The following RBFOX3 variants were observed in gnomAD, a reference collection of about 807,000 sequenced individuals.
RBFOX3 encodes RNA binding fox-1 homolog 3.
In RBFOX3, 17 loss-of-function variants were observed where a neutral mutation model predicts 48.7. The observed-to-expected ratio is 0.35, with a 90% CI of 0.24 to 0.52. The LOEUF (loss-of-function observed/expected upper bound fraction) is 0.52. Ranked by LOEUF, RBFOX3 falls within the 20% of genes least tolerant of loss-of-function variation. RBFOX3 has a pLI of 0.94. For synonymous variants in RBFOX3, 212 were observed against 209.5 expected (o/e 1.01, Z -0.10); for missense variants, 382 against 497.5 (o/e 0.77, Z 2.21).
rs142282217 is a variant in RBFOX3, at chr17:79,132,087, C to T, written c.-33-16339G>A. Among the ~76,000 whole-genome samples the T allele has an allele frequency of 2.8e-3, 430 of 152,200 alleles. 1 individual carries two copies. Among genetic ancestry groups the T allele is most frequent in the Non-Finnish European group, 4.8e-3 (324 of 68,004 alleles). ...AGGTGTCTGGCTGATGGGGCTTGGT[C>T]GGCAGGTGCAGAGCGGGGTGCTGGG... is the stretch of plus-strand genomic sequence containing the variant. On this transcript the variant is annotated intron_variant, in intron 4 of 14. Transcript: ENST00000693108.
chr17:79,131,109 CATGTGCGCCCCGT>C (rs914204355), intron 4 of RBFOX3, among the ~76,000 whole-genome samples: 6 of 151,048 alleles, frequency 4.0e-5, no homozygotes, highest in African/African-American at 7.3e-5. Context: ...CGTGTGTGCA[CATGTGCGCCCCGT>C]GTGTGCTGTG....
At chr17:79,358,750 C>T (rs539009241) in intron 2 of RBFOX3, among the ~76,000 whole-genome samples, 7 of 152,306 alleles carry the variant, frequency 4.6e-5, no homozygotes, top group South Asian at 2.1e-4. Context: ...TGTGAGCCTC[C>T]GTGCTCGGCC....
chr17:79,442,263 G>A lies in RBFOX3; in HGVS notation c.-175+40191C>T, dbSNP rs1555735339. Among the ~76,000 whole-genome samples the A allele has an allele frequency of 3.1e-4, 7 of 22,358 alleles. 1 individual carries two copies. The highest frequency in any genetic ancestry group is 1.1e-3 in the African/African-American group (6 of 5,332). The allele number at this position is 22,358 out of a possible 152,430, so 14.7% of individuals were successfully genotyped here. A position where few individuals can be genotyped will look rare whatever the true frequency, so the allele number is the denominator to read the frequency against. On this transcript the variant is annotated intron_variant, in intron 2 of 14. Transcript: ENST00000693108. ...AGAGAGAGAGAGAGAGAGAGAGAGA[G>A]AGAGAGAGAGAGAGAGAGGGAGAGA...
At chr17:79,478,203 G>A (rs1235097888) in intron 2 of RBFOX3, among the ~76,000 whole-genome samples, 1 of 152,168 alleles carries the variant, frequency 6.6e-6, no homozygotes, top group Admixed American at 6.5e-5. Context: ...TTAAAAACAA[G>A]CAGACAAGAG....
chr17:79,340,322 A>AAAAAAAAAAAC (rs1234763088), intron 2 of RBFOX3, among the ~76,000 whole-genome samples: 3 of 144,122 alleles, frequency 2.1e-5, no homozygotes, highest in South Asian at 2.2e-4. Flanking sequence ...AAAAACAAAA[A>AAAAAAAAAAAC]CAAAACTCTC....
intron 3 of RBFOX3, among the ~76,000 whole-genome samples, chr17:79,294,683 G>A (rs117417799): frequency 0.023 from 3,557 of 152,304 alleles, 58 homozygotes; most frequent in Middle Eastern, 0.041. Flanking sequence ...CGACCTGCGG[G>A]TGGGAGACGC....
At chr17:79,625,283 G>A in the RBFOX3 span, among the ~76,000 whole-genome samples, 7 of 152,070 alleles carry the variant, frequency 4.6e-5, no homozygotes, top group Non-Finnish European at 1.0e-4. Context: ...TTGTTGCCTG[G>A]CTGCCTTCCC....
chr17:79,482,062 C>T lies in RBFOX3; in HGVS notation c.-175+392G>A, dbSNP rs765146188. Reference sequence around the variant, plus strand: ...AGGCTTCAGGGCCCTCCCTGAGCCGCGGAGCAATCTGGGCAGCAGAACACG... The same window carrying T: ...AGGCTTCAGGGCCCTCCCTGAGCCGTGGAGCAATCTGGGCAGCAGAACACG... On this transcript the variant is annotated intron_variant, in intron 2 of 14. Transcript: ENST00000693108. This position sits in a 1 kb window ranked among gnomAD's most constrained non-coding sequence, Gnocchi z 4.1. 6.6e-5 allele frequency among the ~76,000 whole-genome samples: 10 copies of T among 152,094 alleles called. No homozygotes were observed. Among genetic ancestry groups the T allele is most frequent in the Non-Finnish European group, 1.0e-4 (7 of 68,030 alleles).
chr17:79,310,397 G>A (rs2076681508), intron 2 of RBFOX3, among the ~76,000 whole-genome samples: 1 of 152,090 alleles, frequency 6.6e-6, no homozygotes, highest in East Asian at 1.9e-4. Flanking sequence ...AGACCAGGGC[G>A]AGACCTCCTC....
In RBFOX3 at chr17:79,535,115, C is replaced by T. The variant is rs1034973913; in HGVS notation, c.-319-52517G>A. 4.6e-5 allele frequency among the ~76,000 whole-genome samples: 7 copies of T among 152,224 alleles called. No homozygotes were observed. Among genetic ancestry groups the T allele is most frequent in the African/African-American group, 9.6e-5 (4 of 41,460 alleles). ...CGGGAAGTCCAGGCTGTGGCAGCTG[C>T]GGGGTTGGGCGATTCAGCCCCTCTC... On this transcript the variant is annotated intron_variant, in intron 1 of 14. Transcript: ENST00000693108. The surrounding 1 kb of genome is among the most constrained non-coding windows in gnomAD (Gnocchi z 4.5).
rs545656107 is a variant in RBFOX3 at position 79,337,435 on chromosome 17, T to A, written c.-174-29611A>T. Among the ~76,000 whole-genome samples the A allele has an allele frequency of 5.3e-5, 8 of 152,282 alleles. No individual in the cohort carries two copies. In the South Asian group the frequency reaches 8.3e-4, roughly 16 times the overall value. ...CTGACATGCATGCCTCAGGTCCCCG[T>A]GGGCACATGCGTGTACAAGAAGAGC... On this transcript the variant is annotated intron_variant, in intron 2 of 14. Transcript: ENST00000693108.
intron 2 of RBFOX3, among the ~76,000 whole-genome samples, chr17:79,420,985 A>T (rs908085020): frequency 1.3e-5 from 2 of 152,110 alleles, no homozygotes; most frequent in Non-Finnish European, 2.9e-5. Context: ...TCGGGCATGG[A>T]GGCCCAGGGG....
chr17:79,191,957 C>G (rs1452434589), intron 4 of RBFOX3, among the ~76,000 whole-genome samples: 1 of 152,088 alleles, frequency 6.6e-6, no homozygotes, highest in African/African-American at 2.4e-5. Context: ...GCAGTGGATG[C>G]TGATGTGTTT....
intron 4 of RBFOX3, among the ~76,000 whole-genome samples, chr17:79,194,913 T>TTTTGTTTGTTTGTTTG (rs56228526): frequency 4.0e-5 from 6 of 151,854 alleles, no homozygotes; most frequent in South Asian, 4.2e-4. Flanking sequence ...GTGCCCCCAG[T>TTTTGTTTGTTTGTTTG]TTTGTTTGTT....
intron 2 of RBFOX3, among the ~76,000 whole-genome samples, chr17:79,359,525 C>T (rs927272700): frequency 6.6e-5 from 10 of 152,148 alleles, no homozygotes; most frequent in Admixed American, 3.3e-4. Context: ...CCTGCCTCCC[C>T]GCTGGCTCCT....
intron 3 of RBFOX3, among the ~76,000 whole-genome samples, chr17:79,305,221 G>T (rs36065490): frequency 3.3e-5 from 5 of 151,546 alleles, no homozygotes; most frequent in African/African-American, 7.3e-5. Context: ...TTGCCTGTGT[G>T]GGGGGGAAAG....
At chr17:79,446,222 T>C (rs942978257) in intron 2 of RBFOX3, among the ~76,000 whole-genome samples, 3 of 152,174 alleles carry the variant, frequency 2.0e-5, no homozygotes, top group Non-Finnish European at 2.9e-5. Flanking sequence ...GCCCTGGCGA[T>C]GCTGCCTCCA....
chr17:79,567,007 G>C, intron 1 of RBFOX3, among the ~76,000 whole-genome samples: 1 of 152,084 alleles, frequency 6.6e-6, no homozygotes. Flanking sequence ...TGCAACCGAG[G>C]ACTCACTCCT....
intron 14 of RBFOX3, among the ~76,000 whole-genome samples, chr17:79,093,221 C>T (rs981079851): frequency 3.3e-5 from 5 of 152,194 alleles, no homozygotes; most frequent in African/African-American, 4.8e-5. Flanking sequence ...GATGCTCCAG[C>T]TCTCCCATGT....
Sources: allele counts gnomAD v4.1 joint callset (sites outside exome capture counted in the v4.1 genomes callset), GRCh38; gene constraint gnomAD v4.1.1; non-coding constraint Gnocchi (gnomAD v3.1); transcripts MANE v1.5; gene names NCBI Gene and HGNC (gene_info 2026-07-23, HGNC 2026-07-21).